Variants in GALNT13 observed in about 807,000 individuals in gnomAD.
GALNT13 encodes the protein UDP-GalNAc:polypeptide N-acetylgalactosaminyltransferase 13.
In GALNT13, 28 loss-of-function variants were observed where a neutral mutation model predicts 64.2. The ratio of observed to expected loss-of-function variants is 0.44; its 90% CI spans 0.32 to 0.60. The LOEUF is 0.60. Ranked by LOEUF, GALNT13 falls within the 20% of genes least tolerant of loss-of-function variation. The pLI is 0.05. For missense variants in GALNT13, 577 were observed against 669.8 expected (o/e 0.86, Z 1.53); for synonymous variants, 214 against 224.6 (o/e 0.95, Z 0.42).
chr2:153,145,690 T>G, the GALNT13 span, among the ~76,000 whole-genome samples: 3 of 151,884 alleles, frequency 2.0e-5, no homozygotes, highest in Non-Finnish European at 2.9e-5. Flanking sequence ...GCAGTTACTC[T>G]AAACTTGGAA....
At chr2:153,973,981 C>A (rs1039188281) in intron 3 of GALNT13, among the ~76,000 whole-genome samples, 8 of 151,982 alleles carry the variant, frequency 5.3e-5, no homozygotes, top group African/African-American at 9.7e-5. Flanking sequence ...AGCTGAAGAA[C>A]AATTTGATGT....
At chr2:153,795,085 G>A in the GALNT13 span, among the ~76,000 whole-genome samples, 1 of 152,128 alleles carries the variant, frequency 6.6e-6, no homozygotes, top group Non-Finnish European at 1.5e-5. Context: ...CGGGGAGGGT[G>A]GTTGTGAGTG....
chr2:153,600,234 C>A, the GALNT13 span, among the ~76,000 whole-genome samples: 1 of 151,848 alleles, frequency 6.6e-6, no homozygotes, highest in Non-Finnish European at 1.5e-5. Flanking sequence ...CTTGGATTAA[C>A]TGTTGAGTAA....
At chr2:153,424,040 AATAG>A in the GALNT13 span, among the ~76,000 whole-genome samples, 3 of 150,700 alleles carry the variant, frequency 2.0e-5, no homozygotes, top group Non-Finnish European at 3.0e-5. Context: ...GAAAAAAAGT[AATAG>A]ATAGAAAAAT....
chr2:153,327,513 T>A, the GALNT13 span, among the ~76,000 whole-genome samples: 1 of 152,110 alleles, frequency 6.6e-6, no homozygotes, highest in South Asian at 2.1e-4. Context: ...TTTTCTCTAA[T>A]CTTGTCCTCA....
intron 3 of GALNT13, among the ~76,000 whole-genome samples, chr2:154,007,074 CT>C (rs1696303710): frequency 6.6e-6 from 1 of 152,090 alleles, no homozygotes; most frequent in Non-Finnish European, 1.5e-5. Context: ...TTAGGTGCAC[CT>C]GATTTAATAA....
At chr2:153,692,897 A>G in the GALNT13 span, among the ~76,000 whole-genome samples, 1 of 152,272 alleles carries the variant, frequency 6.6e-6, no homozygotes, top group South Asian at 2.1e-4. Flanking sequence ...TGGGGTTGCT[A>G]TTGTGGGGAG....
the GALNT13 span, among the ~76,000 whole-genome samples, chr2:153,294,346 G>A: frequency 1.3e-5 from 2 of 152,236 alleles, no homozygotes; most frequent in African/African-American, 2.4e-5. Context: ...TTCAGTGCAA[G>A]ATTTGCATGA....
the GALNT13 span, among the ~76,000 whole-genome samples, chr2:153,260,175 A>T: frequency 6.6e-6 from 1 of 152,194 alleles, no homozygotes; most frequent in African/African-American, 2.4e-5. Flanking sequence ...ATGTCTTGAA[A>T]AGTTACTGTA....
chr2:154,038,897 AAAC>A (rs1368667656), intron 3 of GALNT13, among the ~76,000 whole-genome samples: 1 of 152,154 alleles, frequency 6.6e-6, no homozygotes, highest in Admixed American at 6.6e-5. Flanking sequence ...TAAGGAACTC[AAAC>A]AACTCAATAT....
At chr2:153,764,561 T>C in the GALNT13 span, among the ~76,000 whole-genome samples, 2 of 151,706 alleles carry the variant, frequency 1.3e-5, no homozygotes, top group East Asian at 3.9e-4. Context: ...GCATAAAAGA[T>C]GAAAGTTGGA....
At chr2:153,745,705 G>A in the GALNT13 span, among the ~76,000 whole-genome samples, 1 of 152,210 alleles carries the variant, frequency 6.6e-6, no homozygotes, top group African/African-American at 2.4e-5. Context: ...TCGTTTGTTT[G>A]AAGCTCCTAT....
the GALNT13 span, chr2:153,421,484 G>T: frequency 4.5e-6 from 1 of 219,820 alleles, no homozygotes; most frequent in South Asian, 9.2e-5. Context: ...CTAGGTAAAT[G>T]GAGAACTTCA....
the GALNT13 span, among the ~76,000 whole-genome samples, chr2:153,164,889 C>T: frequency 6.6e-6 from 1 of 152,164 alleles, no homozygotes; most frequent in Non-Finnish European, 1.5e-5. Flanking sequence ...GGAGACTGCC[C>T]CAATTTCTAC....
the GALNT13 span, among the ~76,000 whole-genome samples, chr2:153,671,985 T>A: frequency 2.6e-5 from 4 of 152,054 alleles, no homozygotes; most frequent in Admixed American, 6.5e-5. Context: ...AAGGACCAAT[T>A]CAACAAAAAG....
At chr2:153,504,880 G>A in the GALNT13 span, among the ~76,000 whole-genome samples, 1 of 152,100 alleles carries the variant, frequency 6.6e-6, no homozygotes, top group Non-Finnish European at 1.5e-5. Context: ...TTGGTATTAG[G>A]GTAATACCGG....
At chr2:153,825,593 C>G in the GALNT13 span, among the ~76,000 whole-genome samples, 2 of 148,146 alleles carry the variant, frequency 1.4e-5, no homozygotes, top group African/African-American at 5.1e-5. Flanking sequence ...GTATCTGTGA[C>G]TCTTTCCATG....
At chr2:153,468,278 A>G in the GALNT13 span, among the ~76,000 whole-genome samples, 4 of 152,110 alleles carry the variant, frequency 2.6e-5, no homozygotes, top group Non-Finnish European at 5.9e-5. Context: ...GGAACTCAAC[A>G]TTAAATTGCC....
At chr2:153,855,544 C>T in the GALNT13 span, among the ~76,000 whole-genome samples, 1 of 152,120 alleles carries the variant, frequency 6.6e-6, no homozygotes, top group South Asian at 2.1e-4. Context: ...AATGAGACAC[C>T]ACTTTTCACC....
Sources: gnomAD v4.1 joint callset for allele counts (sites outside exome capture counted in the v4.1 genomes callset) on GRCh38, gnomAD v4.1.1 for gene constraint, MANE v1.5 for transcripts, NCBI Gene and HGNC (gene_info 2026-07-23, HGNC 2026-07-21) for gene names.